Variants in SCAF8 observed in about 807,000 individuals in gnomAD.
The protein encoded by SCAF8 is SR-related CTD associated factor 8, also known as SR-related and CTD-associated factor 8.
Under a neutral mutation model 140.5 loss-of-function variants are expected in SCAF8, and 23 were observed. That is an observed-to-expected ratio of 0.16 (90% confidence interval 0.12 to 0.23). The LOEUF (loss-of-function observed/expected upper bound fraction) is 0.23. SCAF8 is among the 10% of genes least tolerant of loss of function. The probability of loss-of-function intolerance (pLI) is 1.00; values close to 1 mark genes in which losing one functional copy is unlikely to be tolerated. For missense variants in SCAF8, 1,397 were observed against 1,555.7 expected (o/e 0.90, Z 1.72); for synonymous variants, 575 against 528.9 (o/e 1.09, Z -1.20).
chr6:154,759,868 C>G (rs757510581), intron 1 of SCAF8, among the ~76,000 whole-genome samples: 1 of 152,010 alleles, frequency 6.6e-6, no homozygotes, highest in African/African-American at 2.4e-5. Flanking sequence ...GGGGTTTCAC[C>G]GTGATCAAGC....
intron 6 of SCAF8, among the ~76,000 whole-genome samples, chr6:154,795,811 T>C (rs1777584656): frequency 6.6e-6 from 1 of 152,216 alleles, no homozygotes; most frequent in South Asian, 2.1e-4. Context: ...TTGCTGTCTT[T>C]ATAATACCAG....
At chr6:154,764,424 A>G (rs953252704) in intron 1 of SCAF8, among the ~76,000 whole-genome samples, 7 of 152,366 alleles carry the variant, frequency 4.6e-5, no homozygotes, top group Non-Finnish European at 1.0e-4. Context: ...GAGAATTTGC[A>G]CAAGTAAAGG....
At chr6:154,808,295 T>C (rs924371195) in intron 10 of SCAF8, 94 bp downstream of exon 10, 41 of 1,240,304 alleles carry the variant, frequency 3.3e-5, no homozygotes, top group East Asian at 9.7e-5. Flanking sequence ...AATATATTTT[T>C]CCCACACTTA....
intron 1 of SCAF8, 125 bp from the exon 2 acceptor site, chr6:154,773,864 G>T (rs1776845422): frequency 2.9e-6 from 2 of 686,780 alleles, no homozygotes; most frequent in East Asian, 2.6e-5. Context: ...GTGATGTTGA[G>T]CTTGATTTGT....
intron 3 of SCAF8, among the ~76,000 whole-genome samples, chr6:154,784,608 G>C (rs1156671916): frequency 6.6e-6 from 1 of 152,140 alleles, no homozygotes; most frequent in Non-Finnish European, 1.5e-5. Context: ...TATACACTGA[G>C]TAGAATGTGA....
intron 1 of SCAF8, among the ~76,000 whole-genome samples, chr6:154,746,291 T>C (rs1778697554): frequency 6.6e-6 from 1 of 152,226 alleles, no homozygotes; most frequent in African/African-American, 2.4e-5. Context: ...AAGTCCTCAT[T>C]ATTTTTTGAG....
In SCAF8 at chr6:154,778,021, G is replaced by C; in HGVS notation, c.135G>C (p.Gln45His). 1 of 1,513,044 alleles carries C rather than the reference G, an allele frequency of 6.6e-7. No homozygotes were observed. Among genetic ancestry groups the C allele is most frequent in the Non-Finnish European group, 9.1e-7 (1 of 1,093,512 alleles). 93.7% of individuals were successfully genotyped at this position (1,513,044 alleles called of 1,614,324 possible). A position where few individuals can be genotyped will look rare whatever the true frequency, so the allele number is the denominator to read the frequency against. Residue 45 changes from glutamine to histidine, a missense_variant, in exon 3 of 20, where the codon CAG becomes CAC. By Grantham distance (24) the Gln-to-His change is conservative. Transcript: ENST00000367178. ...TTTAGTTCTATAAACATGTGGTACA[G>C]AGTGTTGAGAAGTTTATTCAGAAAG... ...KAIKFYKHVV[Q>H]SVEKFIQKCK...
chr6:154,755,498 G>A (rs960990323), intron 1 of SCAF8, among the ~76,000 whole-genome samples: 2 of 152,002 alleles, frequency 1.3e-5, no homozygotes, highest in Non-Finnish European at 2.9e-5. Context: ...TGACCCTCCC[G>A]CCTCGGCCTC....
chr6:154,733,521 C>T lies in SCAF8; in HGVS notation c.-380C>T, dbSNP rs1778315415. On this transcript the variant is annotated 5_prime_UTR_variant, in exon 1 of 20. Coordinates refer to ENST00000367178, the MANE Select transcript of SCAF8 (RefSeq NM_014892.5). ...GCGGGGAGGTGAAACAGGAGCCCGT[C>T]GGAGGAAGGGGCAGAAGGGAGTGGA... is the stretch of plus-strand genomic sequence containing the variant. 7 of 1,307,790 alleles carry T rather than the reference C, an allele frequency of 5.4e-6. No individual in the cohort carries two copies. The highest frequency in any genetic ancestry group is 2.1e-5 in the South Asian group (1 of 47,688). The allele number at this position is 1,307,790 out of a possible 1,614,324, so 81.0% of individuals were successfully genotyped here. A position where few individuals can be genotyped will look rare whatever the true frequency, so the allele number is the denominator to read the frequency against.
At chr6:154,811,607 A>G (rs1778092257) in intron 12 of SCAF8, among the ~76,000 whole-genome samples, 1 of 152,210 alleles carries the variant, frequency 6.6e-6, no homozygotes, top group South Asian at 2.1e-4. Context: ...TTACATAGGT[A>G]TACATGTACT....
In SCAF8 at chr6:154,833,438, T is replaced by C; in HGVS notation, c.*43T>C. 6.4e-7 allele frequency: 1 copy of C among 1,571,356 alleles called. No individual in the cohort carries two copies. Among genetic ancestry groups the C allele is most frequent in the Non-Finnish European group, 8.6e-7 (1 of 1,158,596 alleles). On this transcript the variant is annotated 3_prime_UTR_variant, in exon 20 of 20. Transcript: ENST00000367178. Reference sequence around the variant, plus strand: ...AAAGATACCTTTTGTAAAGTTGTCATCTCTCTGTAATAGATAATGGCTGAC... The same window carrying C: ...AAAGATACCTTTTGTAAAGTTGTCACCTCTCTGTAATAGATAATGGCTGAC...
intron 4 of SCAF8, among the ~76,000 whole-genome samples, chr6:154,792,583 C>A (rs746601114): frequency 6.6e-6 from 1 of 152,118 alleles, no homozygotes; most frequent in Non-Finnish European, 1.5e-5. Context: ...ATGTCATCTC[C>A]GCCTTCAGCT....
chr6:154,802,197 A>G, intron 7 of SCAF8, 50 bp downstream of exon 7: 3 of 1,112,664 alleles, frequency 2.7e-6, no homozygotes, highest in Non-Finnish European at 3.7e-6. Flanking sequence ...TAAATATTAT[A>G]TACTATCATG....
rs201759775 is a variant in SCAF8, at chr6:154,831,029, G to A, written c.2248G>A (p.Ala750Thr). Residue 750 changes from alanine to threonine, a missense_variant, in exon 19 of 20, where the codon GCT becomes ACT. By Grantham distance (58) the Ala-to-Thr change is moderately conservative (BLOSUM62 0). This residue lies in a region of SCAF8 where 930 missense variants were observed against 874.6 expected (regional missense o/e 1.06). Transcript: ENST00000367178. Reference protein sequence around the residue: ...GSVASNLATSALPAGNVFNAP... With the variant: ...GSVASNLATSTLPAGNVFNAP... ...TGTTGCCAGCAATCTTGCTACTTCC[G>A]CTCTGCCAGCTGGAAATGTTTTTAA... The A allele has an allele frequency of 1.3e-4, 202 of 1,613,956 alleles. 2 individuals carry two copies. In the Middle Eastern group the frequency reaches 1.8e-3, roughly 15 times the overall value.
intron 3 of SCAF8, among the ~76,000 whole-genome samples, chr6:154,784,964 T>C (rs542485625): frequency 2.2e-4 from 33 of 152,238 alleles, no homozygotes; most frequent in Non-Finnish European, 4.1e-4. Flanking sequence ...CTCTTCCTAA[T>C]CATGTCTTGC....
At chr6:154,783,994 A>T (rs1028894938) in intron 3 of SCAF8, among the ~76,000 whole-genome samples, 1 of 151,650 alleles carries the variant, frequency 6.6e-6, no homozygotes, top group African/African-American at 2.4e-5. Flanking sequence ...TTGAACCCAC[A>T]AAGCAGAGGT....
chr6:154,797,784 TAG>T (rs1416339653), intron 6 of SCAF8, among the ~76,000 whole-genome samples: 1 of 151,562 alleles, frequency 6.6e-6, no homozygotes, highest in Admixed American at 6.6e-5. Context: ...TTGTGGTATT[TAG>T]AGTTATTCTC....
chr6:154,782,495 G>T (rs1056920596), intron 3 of SCAF8, among the ~76,000 whole-genome samples: 1 of 152,142 alleles, frequency 6.6e-6, no homozygotes, highest in African/African-American at 2.4e-5. Flanking sequence ...AACAGATAAG[G>T]AAACTTCAGA....
intron 3 of SCAF8, among the ~76,000 whole-genome samples, chr6:154,785,142 A>C (rs1464651394): frequency 6.6e-6 from 1 of 152,068 alleles, no homozygotes; most frequent in East Asian, 1.9e-4. Context: ...ACTCAACATC[A>C]TGTGTCTAGG....
Sources: allele counts gnomAD v4.1 joint callset (sites outside exome capture counted in the v4.1 genomes callset), GRCh38; gene constraint gnomAD v4.1.1; regional missense constraint gnomAD v4.1.1; transcripts MANE v1.5; gene names NCBI Gene and HGNC (gene_info 2026-07-23, HGNC 2026-07-21).